Variants in HEATR4 observed in about 807,000 individuals in gnomAD.
HEATR4 encodes HEAT repeat-containing protein 4.
In HEATR4, 95 loss-of-function variants were observed where a neutral mutation model predicts 108.8. The ratio of observed to expected loss-of-function variants is 0.87; its 90% CI spans 0.74 to 1.04. HEATR4 has a LOEUF of 1.04. Among genes scored for constraint, HEATR4 ranks in the 50% least tolerant of loss-of-function variants. The probability of loss-of-function intolerance (pLI) is 0.00; values close to 1 mark genes in which losing one functional copy is unlikely to be tolerated. For synonymous variants in HEATR4, 443 were observed against 459.4 expected (o/e 0.96, Z 0.46); for missense variants, 1,152 against 1,253.8 (o/e 0.92, Z 1.23).
In HEATR4 at chr14:73,534,655, C is replaced by T. The variant is rs570723492; in HGVS notation, c.-151-4411G>A. The stretch of plus-strand genomic sequence containing the variant: ...AGTGAGCTATGATCGCACCACTGCA[C>T]TCCAGCCTGGGTAACACAGTGAGAC... On this transcript the variant is annotated intron_variant, in intron 1 of 17. Coordinates refer to ENST00000553558, the MANE Select transcript of HEATR4 (RefSeq NM_001220484.1). 2.6e-5 allele frequency among the ~76,000 whole-genome samples: 3 copies of T among 113,890 alleles called. No individual in the cohort carries two copies. In the Admixed American group the frequency reaches 3.0e-4, roughly 11 times the overall value. The allele number at this position is 113,890 out of a possible 152,430, so 74.7% of individuals were successfully genotyped here.
Position 73,523,237 on chromosome 14 carries a change from T to C in HEATR4, c.-72-13A>G, listed in dbSNP as rs1888087275. 1 of 1,329,996 alleles carries C rather than the reference T, an allele frequency of 7.5e-7. No homozygotes were observed. The highest frequency in any genetic ancestry group is 1.0e-6 in the Non-Finnish European group (1 of 992,466). 82.4% of individuals were successfully genotyped at this position (1,329,996 alleles called of 1,614,324 possible). A position where few individuals can be genotyped will look rare whatever the true frequency, so the allele number is the denominator to read the frequency against. ...TGAGACCTGGCACCTGTTAAGGGAA[T>C]GGGAGGAACTGATGAGAACTCTAGA... On this transcript the variant is annotated splice_polypyrimidine_tract_variant and intron_variant, in intron 2 of 17. Coordinates refer to ENST00000553558, the MANE Select transcript of HEATR4 (RefSeq NM_001220484.1).
chr14:73,592,168 G>C, the HEATR4 span: 1 of 1,603,128 alleles, frequency 6.2e-7, no homozygotes, highest in Non-Finnish European at 8.5e-7. Context: ...GCGCTGGGCG[G>C]CAGCTTCGCG....
Position 73,478,613 on chromosome 14 carries a change from T to C in HEATR4, c.3074A>G (p.His1025Arg), listed in dbSNP as rs1353051678. The change falls in exon 18 of 18, where the codon CAT (histidine) becomes CGT (arginine). Residue 1025 changes from histidine (H) to arginine (R), a missense_variant. His to Arg is a conservative substitution (Grantham distance 29). Coordinates refer to ENST00000553558, the MANE Select transcript of HEATR4 (RefSeq NM_001220484.1). ...GTAAGACAAGTGTTCAGCTTAGAGA[T>C]GAGCACCTTTCTTTCCAGAGGGAGA... ...MSSPSGKKGA[H>R]L 6.2e-7 allele frequency: 1 copy of C among 1,608,424 alleles called. No individual in the cohort carries two copies. The highest frequency in any genetic ancestry group is 8.5e-7 in the Non-Finnish European group (1 of 1,175,008).
intron 2 of HEATR4, among the ~76,000 whole-genome samples, chr14:73,528,045 A>G (rs1452009630): frequency 6.6e-6 from 1 of 151,268 alleles, no homozygotes; most frequent in Non-Finnish European, 1.5e-5. Context: ...AAGAATCTTT[A>G]GTTACAATGC....
At chr14:73,521,975 G>C (rs1887999083) in intron 3 of HEATR4, among the ~76,000 whole-genome samples, 1 of 152,240 alleles carries the variant, frequency 6.6e-6, no homozygotes, top group Non-Finnish European at 1.5e-5. Context: ...CAGTGTCTGA[G>C]ACATCTTTGG....
At chr14:73,558,206 G>C (rs1185856465) in intron 1 of HEATR4, among the ~76,000 whole-genome samples, 1 of 133,658 alleles carries the variant, frequency 7.5e-6, no homozygotes, top group Non-Finnish European at 1.6e-5. Flanking sequence ...AACCTGGCTT[G>C]TTTCAAGTCC....
At chr14:73,569,182 C>A in the HEATR4 span, 11 of 1,581,958 alleles carry the variant, frequency 7.0e-6, 1 homozygote, top group Non-Finnish European at 9.5e-6. Flanking sequence ...CTTCCCCGCT[C>A]ACGTTAGCAG....
chr14:73,522,594 C>A lies in HEATR4; in HGVS notation c.559G>T (p.Glu187Ter). Residue 187 changes from glutamate to a stop codon, truncating the protein, a stop_gained, in exon 3 of 18, where the codon GAA (glutamate) becomes TAA (stop). Transcript: ENST00000553558. LOFTEE classifies it high-confidence loss of function. ...GGAGGCAGAAGCCAGGCTTCTCTTT[C>A]CTCCAGGTTCACATCTAGAGAAGGT... The part of the protein sequence containing the change: ...RPPSLDVNLE[E>*]REAWLLPPEK... The A allele has an allele frequency of 6.2e-7, 1 of 1,614,252 alleles. No homozygotes were observed. The highest frequency in any genetic ancestry group is 1.1e-5 in the South Asian group (1 of 91,092).
At chr14:73,515,378 A>G (rs1361286511) in intron 5 of HEATR4, among the ~76,000 whole-genome samples, 1 of 151,958 alleles carries the variant, frequency 6.6e-6, no homozygotes, top group Admixed American at 6.6e-5. Context: ...CTTTCTTCTA[A>G]TGTAAAAAGA....
upstream of HEATR4, among the ~76,000 whole-genome samples, chr14:73,559,626 C>A (rs1889479680): frequency 6.6e-6 from 1 of 151,868 alleles, no homozygotes; most frequent in African/African-American, 2.4e-5. Context: ...CCTGTAATCC[C>A]AGCTACTCGG....
chr14:73,547,312 C>T lies in HEATR4; in HGVS notation c.-152+11439G>A, dbSNP rs373583585. ...AGGAGAATCACTTGAAACCGGAAGG[C>T]GGAGGTTGCAGAGAGCCAAGATCGT... On this transcript the variant is annotated intron_variant, in intron 1 of 17. Coordinates refer to ENST00000553558, the MANE Select transcript of HEATR4 (RefSeq NM_001220484.1). Among the ~76,000 whole-genome samples, 38 of 115,926 alleles carry T rather than the reference C, an allele frequency of 3.3e-4. 12 individuals are homozygous for T. In the Middle Eastern group the frequency reaches 0.014, roughly 43 times the overall value. The allele number at this position is 115,926 out of a possible 152,430, so 76.1% of individuals were successfully genotyped here.
intron 7 of HEATR4, among the ~76,000 whole-genome samples, chr14:73,509,810 CCATATATATATATATATATATATATA>C (rs1298535423): frequency 0.081 from 5,117 of 63,184 alleles, 821 homozygotes; most frequent in East Asian, 0.16. Context: ...CCCCATGAGC[CCATATATATATATATATATATATATA>C]TATATATATA....
chr14:73,603,479 C>T, the HEATR4 span, among the ~76,000 whole-genome samples: 36 of 152,014 alleles, frequency 2.4e-4, no homozygotes, highest in Admixed American at 1.4e-3. Flanking sequence ...CTCAGCCTCC[C>T]GAGTAGCTGG....
chr14:73,623,019 C>G, the HEATR4 span, among the ~76,000 whole-genome samples: 11 of 152,168 alleles, frequency 7.2e-5, no homozygotes, highest in South Asian at 1.7e-3. Flanking sequence ...AAGCGATTCT[C>G]CTGCCTCAGC....
intron 10 of HEATR4, among the ~76,000 whole-genome samples, chr14:73,503,724 G>A (rs1293181812): frequency 2.0e-5 from 3 of 152,152 alleles, no homozygotes; most frequent in Admixed American, 6.6e-5. Context: ...ACACCTTATA[G>A]CTGCTTCTGT....
the HEATR4 span, among the ~76,000 whole-genome samples, chr14:73,590,824 C>T: frequency 1.3e-5 from 2 of 152,134 alleles, no homozygotes; most frequent in Non-Finnish European, 2.9e-5. Flanking sequence ...TCCCTCCACA[C>T]CTCCCAGTAA....
At chr14:73,572,290 G>A in the HEATR4 span, among the ~76,000 whole-genome samples, 1 of 150,462 alleles carries the variant, frequency 6.6e-6, no homozygotes, top group Non-Finnish European at 1.5e-5. Flanking sequence ...AGCAGTCAAA[G>A]TGATTGAACT....
chr14:73,607,634 T>C, the HEATR4 span, among the ~76,000 whole-genome samples: 1 of 152,166 alleles, frequency 6.6e-6, no homozygotes, highest in Non-Finnish European at 1.5e-5. Flanking sequence ...TCTTTCTTTT[T>C]TTTTTGGAGG....
chr14:73,500,853 T>C, intron 11 of HEATR4, 123 bp from the exon 12 acceptor site: 1 of 816,318 alleles, frequency 1.2e-6, no homozygotes, highest in Non-Finnish European at 1.9e-6. Flanking sequence ...TTCAGCCTTA[T>C]GCTCATGAGA....
Sources: gnomAD v4.1 joint callset for allele counts (sites outside exome capture counted in the v4.1 genomes callset) on GRCh38, gnomAD v4.1.1 for gene constraint, MANE v1.5 for transcripts, NCBI Gene and HGNC (gene_info 2026-07-23, HGNC 2026-07-21) for gene names.